KANK1: variants seen among roughly 807,000 people sequenced by gnomAD.
KANK1 encodes the protein KN motif and ankyrin repeat domains 1.
KANK1 carries 109 observed loss-of-function variants against 106.2 expected under a neutral mutation model. The observed-to-expected ratio is 1.03, with a 90% CI of 0.88 to 1.20. The LOEUF (loss-of-function observed/expected upper bound fraction) is 1.20, where lower values mean the gene tolerates loss of function less well. Among genes scored for constraint, KANK1 ranks in the 50% most tolerant of loss-of-function variants. KANK1 has a pLI of 0.00. For synonymous variants in KANK1, 873 were observed against 652.2 expected, an observed-to-expected ratio of 1.34 and a Z score of -5.16; for missense variants, 2,399 against 1,710.7, an observed-to-expected ratio of 1.40 and a Z score of -7.10.
chr9:482,457 C>T (rs1304519589), intron 3 of KANK1, among the ~76,000 whole-genome samples: 1 of 152,184 alleles, frequency 6.6e-6, no homozygotes, highest in Non-Finnish European at 1.5e-5. Flanking sequence ...CCAGGGCATG[C>T]ATGCCCTCCC....
intron 1 of KANK1, among the ~76,000 whole-genome samples, chr9:632,362 A>T (rs1186914957): frequency 1.3e-5 from 2 of 152,194 alleles, no homozygotes; most frequent in African/African-American, 4.8e-5. Flanking sequence ...AGAAGAGGTT[A>T]AAGGAATCAG....
intron 1 of KANK1, among the ~76,000 whole-genome samples, chr9:514,637 T>G (rs767792795): frequency 2.6e-5 from 4 of 151,804 alleles, no homozygotes; most frequent in Non-Finnish European, 5.9e-5. Flanking sequence ...GGTTATGGGT[T>G]CATGCTCATT....
chr9:670,427 G>C (rs1845610602), intron 1 of KANK1, among the ~76,000 whole-genome samples: 1 of 152,100 alleles, frequency 6.6e-6, no homozygotes, highest in Non-Finnish European at 1.5e-5. Context: ...CTAGGTCACT[G>C]CCTCTTTTTC....
intron 1 of KANK1, among the ~76,000 whole-genome samples, chr9:565,870 CTTTTA>C (rs746030323): frequency 7.9e-5 from 12 of 152,156 alleles, no homozygotes; most frequent in Non-Finnish European, 1.5e-4. Context: ...TTTAACAAAA[CTTTTA>C]TTTTAGGTTC....
intron 1 of KANK1, among the ~76,000 whole-genome samples, chr9:624,653 A>C (rs552809396): frequency 2.0e-5 from 3 of 152,050 alleles, no homozygotes; most frequent in South Asian, 4.2e-4. Context: ...AAATACAAAA[A>C]TTAGTCGGGC....
chr9:485,253 G>C (rs776958767), intron 3 of KANK1, among the ~76,000 whole-genome samples: 1 of 152,152 alleles, frequency 6.6e-6, no homozygotes, highest in Non-Finnish European at 1.5e-5. Context: ...TTGAGAAATG[G>C]GCATGTGAAC....
intron 1 of KANK1, among the ~76,000 whole-genome samples, chr9:544,432 G>A (rs1392695930): frequency 6.6e-6 from 1 of 152,146 alleles, no homozygotes; most frequent in African/African-American, 2.4e-5. Flanking sequence ...GGGGCATTCT[G>A]TAGTCTTCGT....
At chr9:618,003 T>C (rs575589658) in intron 1 of KANK1, among the ~76,000 whole-genome samples, 3 of 152,232 alleles carry the variant, frequency 2.0e-5, no homozygotes, top group South Asian at 4.2e-4. Flanking sequence ...ACCAAAAAAA[T>C]CAGTTTGGCC....
At chr9:584,764 C>T (rs1487310199) in intron 1 of KANK1, among the ~76,000 whole-genome samples, 1 of 152,186 alleles carries the variant, frequency 6.6e-6, no homozygotes, top group African/African-American at 2.4e-5. Context: ...CTTTCAGGCT[C>T]GCTGCACATG....
chr9:683,394 C>T (rs917272116), intron 2 of KANK1, among the ~76,000 whole-genome samples: 1 of 152,124 alleles, frequency 6.6e-6, no homozygotes, highest in Non-Finnish European at 1.5e-5. Flanking sequence ...AGGAGCCTGC[C>T]ATAAGCACGT....
intron 2 of KANK1, chr9:470,871 TC>T (rs1587161729): frequency 6.6e-6 from 1 of 152,420 alleles, no homozygotes; most frequent in East Asian, 1.9e-4. Flanking sequence ...TGACTGAAGT[TC>T]CTTGAGAGCA....
chr9:660,169 G>A, intron 1 of KANK1: 1 of 310,180 alleles, frequency 3.2e-6, no homozygotes, highest in Non-Finnish European at 6.8e-6. Context: ...AACCAATGAA[G>A]GCATTTAAAA....
At chr9:553,364 C>CA (rs758806272) in intron 1 of KANK1, among the ~76,000 whole-genome samples, 14 of 152,108 alleles carry the variant, frequency 9.2e-5, no homozygotes, top group Non-Finnish European at 1.8e-4. Flanking sequence ...GCTTTAAACA[C>CA]CTTTGATTTT....
chr9:737,068 G>A (rs555859244), intron 7 of KANK1, among the ~76,000 whole-genome samples: 72 of 152,332 alleles, frequency 4.7e-4, no homozygotes, highest in African/African-American at 1.6e-3. Flanking sequence ...GTATTGTGTT[G>A]TGAAAAGTAG....
At chr9:716,125 A>G (rs1827633475) in intron 3 of KANK1, among the ~76,000 whole-genome samples, 1 of 152,256 alleles carries the variant, frequency 6.6e-6, no homozygotes, top group African/African-American at 2.4e-5. Context: ...AAAAGAGCAT[A>G]TAAATGATCA....
At chr9:645,233 G>A (rs1201608326) in intron 1 of KANK1, among the ~76,000 whole-genome samples, 1 of 149,670 alleles carries the variant, frequency 6.7e-6, no homozygotes, top group Admixed American at 6.6e-5. Flanking sequence ...TTAGGGTCAG[G>A]AGTTCAAGAT....
intron 1 of KANK1, among the ~76,000 whole-genome samples, chr9:542,336 TA>T (rs1225959710): frequency 6.6e-6 from 1 of 152,136 alleles, no homozygotes; most frequent in Non-Finnish European, 1.5e-5. Context: ...TCGTCTCTAC[TA>T]AAAAATACAA....
chr9:564,347 C>G (rs1459379032), intron 1 of KANK1, among the ~76,000 whole-genome samples: 2 of 152,132 alleles, frequency 1.3e-5, no homozygotes, highest in African/African-American at 4.8e-5. Flanking sequence ...CAGGAGGGAG[C>G]CACCGTGCCC....
chr9:574,175 TC>T (rs1563793102), intron 1 of KANK1, among the ~76,000 whole-genome samples: 1 of 152,190 alleles, frequency 6.6e-6, no homozygotes, highest in Non-Finnish European at 1.5e-5. Flanking sequence ...CACCCACTCT[TC>T]CCTTAGGAAA....
Sources: allele counts gnomAD v4.1 joint callset (sites outside exome capture counted in the v4.1 genomes callset), GRCh38; gene constraint gnomAD v4.1.1; transcripts MANE v1.5; gene names NCBI Gene and HGNC (gene_info 2026-07-23, HGNC 2026-07-21).